The following ATXN1 variants were observed in gnomAD, a reference collection of about 807,000 sequenced individuals.
ATXN1 encodes the protein ataxin 1, also known as ataxin-1.
ATXN1 carries 8 observed loss-of-function variants against 56.4 expected under a neutral mutation model. The observed-to-expected ratio is 0.14, with a 90% CI of 0.08 to 0.26. The LOEUF (loss-of-function observed/expected upper bound fraction) is 0.26, where lower values mean the gene tolerates loss of function less well. Among genes scored for constraint, ATXN1 ranks in the 10% least tolerant of loss-of-function variants. The pLI, the probability that ATXN1 is intolerant of heterozygous loss-of-function variation, is 1.00. For synonymous variants in ATXN1, 514 were observed against 494.6 expected (o/e 1.04, Z -0.52); for missense variants, 987 against 1,106.5 (o/e 0.89, Z 1.53).
rs1021842298 is a variant in ATXN1 at position 16,305,681 on chromosome 6, C to A, written c.*648G>T. On this transcript the variant is annotated 3_prime_UTR_variant, in exon 8 of 8. Transcript: ENST00000436367. ...AGGCCCCATAGGGGGAAATATATAT[C>A]TATACAATTAAAAGTTGCTTTTATT... 2 of 152,744 alleles carry A rather than the reference C, an allele frequency of 1.3e-5. No individual in the cohort carries two copies. The highest frequency in any genetic ancestry group is 6.5e-5 in the Admixed American group (1 of 15,284). 9.5% of individuals were successfully genotyped at this position (152,744 alleles called of 1,614,324 possible).
At position 16,549,840 on chromosome 6, in the gene ATXN1, G is replaced by A. The variant is rs534776503; in HGVS notation, c.-360-27152C>T. ...TGAACTCAGGAGCAAAGATTGTGGTGAGCCGAGATCGCACCATTGCACTCC... is the reference window on the plus strand; with the variant it reads ...TGAACTCAGGAGCAAAGATTGTGGTAAGCCGAGATCGCACCATTGCACTCC... On this transcript the variant is annotated intron_variant, in intron 4 of 7. Transcript: ENST00000436367. Among the ~76,000 whole-genome samples, 5 of 145,294 alleles carry A rather than the reference G, an allele frequency of 3.4e-5. No homozygotes were observed. In the East Asian group the frequency reaches 8.1e-4, roughly 24 times the overall value.
intron 2 of ATXN1, among the ~76,000 whole-genome samples, chr6:16,711,527 C>A (rs1023149465): frequency 6.6e-6 from 1 of 151,190 alleles, no homozygotes. Context: ...ATAAAGAACT[C>A]ATATATATAC....
chr6:16,337,394 G>C (rs1249160224), intron 6 of ATXN1, among the ~76,000 whole-genome samples: 5 of 152,210 alleles, frequency 3.3e-5, no homozygotes, highest in Non-Finnish European at 7.3e-5. Context: ...AGGAGGAGGG[G>C]CGGGGCCACA....
intron 2 of ATXN1, among the ~76,000 whole-genome samples, chr6:16,705,347 G>C (rs1759384449): frequency 6.6e-6 from 1 of 152,170 alleles, no homozygotes; most frequent in Non-Finnish European, 1.5e-5. Context: ...GAATGATGGA[G>C]CAGAATAAAA....
chr6:16,389,251 C>T (rs1398510788), intron 6 of ATXN1, among the ~76,000 whole-genome samples: 1 of 151,716 alleles, frequency 6.6e-6, no homozygotes, highest in African/African-American at 2.4e-5. Context: ...GCAGGAGAAT[C>T]GCTTGAACCC....
At chr6:16,351,189 T>C (rs116325143) in intron 6 of ATXN1, among the ~76,000 whole-genome samples, 7,726 of 152,284 alleles carry the variant, frequency 0.051, 234 homozygotes, top group Middle Eastern at 0.11. Context: ...AAAACTTCTC[T>C]TATTCAGCAG....
intron 6 of ATXN1, among the ~76,000 whole-genome samples, chr6:16,451,492 A>G (rs899557103): frequency 6.6e-6 from 1 of 152,188 alleles, no homozygotes; most frequent in Non-Finnish European, 1.5e-5. Context: ...GCAGTGCCTC[A>G]TGCCTGTAAT....
chr6:16,642,415 C>CA (rs773191809), intron 3 of ATXN1, among the ~76,000 whole-genome samples: 3 of 152,044 alleles, frequency 2.0e-5, no homozygotes, highest in Non-Finnish European at 4.4e-5. Context: ...AACAAACAAA[C>CA]AAAAAAACCA....
chr6:16,522,962 A>C (rs1331232325), intron 4 of ATXN1, among the ~76,000 whole-genome samples: 2 of 152,234 alleles, frequency 1.3e-5, no homozygotes, highest in Non-Finnish European at 2.9e-5. Flanking sequence ...CAAGGAGTCC[A>C]TATTGTGGTG....
At chr6:16,590,396 T>C (rs1239698917) in intron 3 of ATXN1, among the ~76,000 whole-genome samples, 6 of 152,226 alleles carry the variant, frequency 3.9e-5, no homozygotes, top group Admixed American at 6.5e-5. Flanking sequence ...GAACTGGTAA[T>C]AGTTATTTTA....
chr6:16,346,067 T>G (rs187238064), intron 6 of ATXN1, among the ~76,000 whole-genome samples: 2 of 152,182 alleles, frequency 1.3e-5, no homozygotes, highest in Admixed American at 1.3e-4. Flanking sequence ...TTTTAATTAT[T>G]TATTTATTTA....
At chr6:16,581,641 G>C (rs1190255652) in intron 4 of ATXN1, among the ~76,000 whole-genome samples, 1 of 152,122 alleles carries the variant, frequency 6.6e-6, no homozygotes, top group Non-Finnish European at 1.5e-5. Flanking sequence ...CTATTATTTA[G>C]ATCTGGAACC....
intron 6 of ATXN1, among the ~76,000 whole-genome samples, chr6:16,403,234 A>G (rs566633662): frequency 6.6e-6 from 1 of 151,368 alleles, no homozygotes; most frequent in South Asian, 2.1e-4. Flanking sequence ...ATGCATCATC[A>G]CCTTCACGCC....
chr6:16,463,825 C>T (rs868770362), intron 6 of ATXN1, among the ~76,000 whole-genome samples: 3 of 152,198 alleles, frequency 2.0e-5, no homozygotes, highest in East Asian at 1.9e-4. Flanking sequence ...TACTCACCTT[C>T]GGGCCCTGTG....
intron 6 of ATXN1, among the ~76,000 whole-genome samples, chr6:16,458,612 G>A (rs1009926505): frequency 6.6e-6 from 1 of 152,184 alleles, no homozygotes; most frequent in Admixed American, 6.5e-5. Flanking sequence ...GAGAAAGGCC[G>A]CAGCCTCAGT....
chr6:16,365,751 T>C (rs1761904511), intron 6 of ATXN1, among the ~76,000 whole-genome samples: 1 of 152,238 alleles, frequency 6.6e-6, no homozygotes, highest in Non-Finnish European at 1.5e-5. Context: ...GGAATCTGCC[T>C]GGACCCAAAC....
intron 4 of ATXN1, among the ~76,000 whole-genome samples, chr6:16,580,581 T>C (rs1012312670): frequency 6.6e-6 from 1 of 152,210 alleles, no homozygotes; most frequent in Non-Finnish European, 1.5e-5. Context: ...TAAACACAGA[T>C]GATGGAATAG....
At chr6:16,398,594 C>T (rs1043889403) in intron 6 of ATXN1, among the ~76,000 whole-genome samples, 5 of 152,024 alleles carry the variant, frequency 3.3e-5, no homozygotes, top group African/African-American at 9.7e-5. Context: ...TGCACAAATA[C>T]GTGTGTTTTG....
At chr6:16,604,939 G>A (rs1448296724) in intron 3 of ATXN1, among the ~76,000 whole-genome samples, 2 of 152,140 alleles carry the variant, frequency 1.3e-5, no homozygotes, top group Non-Finnish European at 2.9e-5. Flanking sequence ...TTAGATGTGG[G>A]AATCAGATGT....
Sources: allele counts gnomAD v4.1 joint callset (sites outside exome capture counted in the v4.1 genomes callset), GRCh38; gene constraint gnomAD v4.1.1; transcripts MANE v1.5; gene names NCBI Gene and HGNC (gene_info 2026-07-23, HGNC 2026-07-21).